The following KCNG3 variants were observed in gnomAD, a reference collection of about 807,000 sequenced individuals.
KCNG3 encodes the protein voltage-gated potassium channel regulatory subunit KCNG3.
In KCNG3, 15 loss-of-function variants were observed where a neutral mutation model predicts 29.0. The ratio of observed to expected loss-of-function variants is 0.52; its 90% CI spans 0.35 to 0.80. The LOEUF is 0.80. KCNG3 is among the 30% of genes least tolerant of loss of function. KCNG3 has a pLI of 0.01. For synonymous variants in KCNG3, 322 were observed against 248.9 expected, an observed-to-expected ratio of 1.29 and a Z score of -2.76; for missense variants, 512 against 605.7, an observed-to-expected ratio of 0.85 and a Z score of 1.62.
intron 1 of KCNG3, among the ~76,000 whole-genome samples, chr2:42,481,695 C>G (rs1461173270): frequency 3.9e-5 from 6 of 152,152 alleles, no homozygotes; most frequent in African/African-American, 1.4e-4. Context: ...CCACTCTCAC[C>G]TCTCTCGGTT....
intron 1 of KCNG3, among the ~76,000 whole-genome samples, chr2:42,452,239 ATATAT>A (rs1477508188): frequency 0.034 from 2,339 of 69,236 alleles, 58 homozygotes; most frequent in African/African-American, 0.11. Flanking sequence ...ATATATATAT[ATATAT>A]TTTTTTTTTT....
At chr2:42,487,216 C>A (rs1393828092) in intron 1 of KCNG3, among the ~76,000 whole-genome samples, 1 of 149,610 alleles carries the variant, frequency 6.7e-6, no homozygotes, top group Admixed American at 6.7e-5. Flanking sequence ...TTTTGCTCAA[C>A]AAATAGATAG....
In KCNG3 at chr2:42,492,877, G is replaced by C; in HGVS notation, c.625C>G (p.Arg209Gly). The C allele has an allele frequency of 1.3e-6, 2 of 1,536,176 alleles. No individual in the cohort carries two copies. Among genetic ancestry groups the C allele is most frequent in the South Asian group, 1.3e-5 (1 of 78,720 alleles). The change falls in exon 1 of 2, where the codon CGG becomes GGG. Residue 209 changes from arginine to glycine, a missense_variant. Transcript: ENST00000306078. ...AAADNRSLDD[R>G]SRYSAGPGRE... Reference sequence around the variant, plus strand: ...CCAGGGCCGGCGGAGTACCTGCTCCGGTCATCCAGGCTGCGGTTGTCGGCG... The same window carrying C: ...CCAGGGCCGGCGGAGTACCTGCTCCCGTCATCCAGGCTGCGGTTGTCGGCG...
Position 42,493,331 on chromosome 2 carries a change from C to A in KCNG3, c.171G>T (p.Glu57Asp). Residue 57 changes from glutamate to aspartate, a missense_variant, in exon 1 of 2, where the codon GAG becomes GAT. Around this residue, in one of 5 missense-constraint regions of KCNG3, gnomAD observed 91 missense variants for 91.1 expected, o/e 1.00. Transcript: ENST00000306078. ...GCCGGTCGAAGAAGTACTCGTTGCG[C>A]TCGCGGTCGTAGTCGTCGCACACCT... is the stretch of plus-strand genomic sequence containing the variant. Reference protein sequence around the residue: ...VLEVCDDYDRERNEYFFDRHS... With the variant: ...VLEVCDDYDRDRNEYFFDRHS... 1 of 1,604,804 alleles carries A rather than the reference C, an allele frequency of 6.2e-7. No homozygotes were observed. Among genetic ancestry groups the A allele is most frequent in the Non-Finnish European group, 8.5e-7 (1 of 1,175,884 alleles).
At chr2:42,448,378 TA>T (rs1455064998) in intron 1 of KCNG3, among the ~76,000 whole-genome samples, 6 of 149,724 alleles carry the variant, frequency 4.0e-5, no homozygotes, top group Non-Finnish European at 5.9e-5. Flanking sequence ...TTTATTTATT[TA>T]TTTATTTTTT....
In KCNG3 at chr2:42,443,889, C is replaced by T. The variant is rs1469028152; in HGVS notation, c.*45G>A. On this transcript the variant is annotated 3_prime_UTR_variant, in exon 2 of 2. Coordinates refer to ENST00000306078, the MANE Select transcript of KCNG3 (RefSeq NM_133329.6). Reference sequence around the variant, plus strand: ...GAAACACATAAATATGAAGCAGCATCAAAGTCTTTCTATGAAGTGTATGCA... The same window carrying T: ...GAAACACATAAATATGAAGCAGCATTAAAGTCTTTCTATGAAGTGTATGCA... The T allele has an allele frequency of 2.0e-6, 3 of 1,527,824 alleles. No individual in the cohort carries two copies. The highest frequency in any genetic ancestry group is 1.3e-5 in the South Asian group (1 of 79,126). 94.6% of individuals were successfully genotyped at this position (1,527,824 alleles called of 1,614,324 possible). A position where few individuals can be genotyped will look rare whatever the true frequency, so the allele number is the denominator to read the frequency against.
chr2:42,451,140 G>C (rs1400287604), intron 1 of KCNG3, among the ~76,000 whole-genome samples: 1 of 142,864 alleles, frequency 7.0e-6, no homozygotes, highest in African/African-American at 2.6e-5. Context: ...GAAAGGCAGA[G>C]GTCGCAGTGA....
At chr2:42,474,188 C>T (rs1046191522) in intron 1 of KCNG3, among the ~76,000 whole-genome samples, 15 of 151,824 alleles carry the variant, frequency 9.9e-5, no homozygotes, top group African/African-American at 3.6e-4. Context: ...GATCCCACAA[C>T]CCTTGCTCTG....
At chr2:42,447,002 T>G (rs1039330170) in intron 1 of KCNG3, among the ~76,000 whole-genome samples, 1 of 151,118 alleles carries the variant, frequency 6.6e-6, no homozygotes, top group Non-Finnish European at 1.5e-5. Flanking sequence ...GAGGATTGCT[T>G]GAGCCCAGGA....
chr2:42,463,043 T>C lies in KCNG3; in HGVS notation c.666-18464A>G, dbSNP rs878931194. On this transcript the variant is annotated intron_variant, in intron 1 of 1. Coordinates refer to ENST00000306078, the MANE Select transcript of KCNG3 (RefSeq NM_133329.6). ...GGTCTAGCATGAAATGTAGCAATAC[T>C]TGCATCTCAAATATATGTTAAAAGA... The C allele has an allele frequency of 4.4e-5, 7 of 158,782 alleles. No individual in the cohort carries two copies. The South Asian group carries it at 9.0e-4, about 20-fold the overall frequency. The allele number at this position is 158,782 out of a possible 1,614,324, so 9.8% of individuals were successfully genotyped here.
At chr2:42,484,754 G>A (rs1184544248) in intron 1 of KCNG3, among the ~76,000 whole-genome samples, 1 of 152,160 alleles carries the variant, frequency 6.6e-6, no homozygotes, top group African/African-American at 2.4e-5. Context: ...CCAAAAGGTA[G>A]GGAAAAAAGA....
At position 42,471,263 on chromosome 2, in the gene KCNG3, T is replaced by C. The variant is rs556480257; in HGVS notation, c.665+21574A>G. On this transcript the variant is annotated intron_variant, in intron 1 of 1. Coordinates refer to ENST00000306078, the MANE Select transcript of KCNG3 (RefSeq NM_133329.6). ...CATAATAATCAAAAAGTAAAAACAA[T>C]ACAAATGTTCAACTGATGAATGGGT... Among the ~76,000 whole-genome samples, 21 of 151,426 alleles carry C rather than the reference T, an allele frequency of 1.4e-4. No homozygotes were observed. The South Asian group carries it at 4.2e-3, about 30-fold the overall frequency.
At chr2:42,471,665 G>C (rs886894592) in intron 1 of KCNG3, among the ~76,000 whole-genome samples, 1 of 151,942 alleles carries the variant, frequency 6.6e-6, no homozygotes, top group Non-Finnish European at 1.5e-5. Flanking sequence ...TTTAAAAAAG[G>C]AATGAGCAAT....
chr2:42,439,718 C>A (rs1246731134), downstream of KCNG3, among the ~76,000 whole-genome samples: 2 of 151,632 alleles, frequency 1.3e-5, no homozygotes, highest in African/African-American at 4.8e-5. Flanking sequence ...GCGATCTCGG[C>A]TCACTGCAAC....
chr2:42,421,235 C>T, the KCNG3 span, among the ~76,000 whole-genome samples: 2 of 152,308 alleles, frequency 1.3e-5, no homozygotes, highest in South Asian at 2.1e-4. Context: ...TATGTGCTGG[C>T]CTCTGTGCTA....
At chr2:42,484,191 G>A (rs1396482284) in intron 1 of KCNG3, among the ~76,000 whole-genome samples, 1 of 152,214 alleles carries the variant, frequency 6.6e-6, no homozygotes, top group Non-Finnish European at 1.5e-5. Context: ...ACCGGGTGCT[G>A]TGGCTCACAC....
the KCNG3 span, among the ~76,000 whole-genome samples, chr2:42,431,048 G>C: frequency 6.7e-6 from 1 of 150,226 alleles, no homozygotes; most frequent in African/African-American, 2.4e-5. Context: ...AGAGGTTGCA[G>C]TGAGCCAAGA....
the KCNG3 span, among the ~76,000 whole-genome samples, chr2:42,429,764 CTCTGGAATCTGAA>C: frequency 6.6e-6 from 1 of 152,156 alleles, no homozygotes; most frequent in African/African-American, 2.4e-5. Context: ...GCTAATGCTA[CTCTGGAATCTGAA>C]GCTGGAAAGT....
the KCNG3 span, among the ~76,000 whole-genome samples, chr2:42,429,105 C>T: frequency 5.9e-5 from 9 of 151,580 alleles, no homozygotes; most frequent in African/African-American, 2.2e-4. Flanking sequence ...GGTGACAGAG[C>T]AAGACTCCAT....
Sources: allele counts gnomAD v4.1 joint callset (sites outside exome capture counted in the v4.1 genomes callset), GRCh38; gene constraint gnomAD v4.1.1; regional missense constraint gnomAD v4.1.1; transcripts MANE v1.5; gene names NCBI Gene and HGNC (gene_info 2026-07-23, HGNC 2026-07-21).